The following PDE7B variants were observed in gnomAD, a reference collection of about 807,000 sequenced individuals.
PDE7B encodes 3',5'-cyclic-AMP phosphodiesterase 7B.
In PDE7B, 29 loss-of-function variants were observed where a neutral mutation model predicts 56.2. That is an observed-to-expected ratio of 0.52 (90% CI 0.38 to 0.70). PDE7B has a LOEUF of 0.70. Ranked by LOEUF, PDE7B falls within the 30% of genes least tolerant of loss-of-function variation. PDE7B has a pLI of 0.00. For synonymous variants in PDE7B, 197 were observed against 196.9 expected, an observed-to-expected ratio of 1.00 and a Z score of 0.00; for missense variants, 490 against 565.0, an observed-to-expected ratio of 0.87 and a Z score of 1.35.
At chr6:135,959,005 A>G (rs1441372248) in intron 2 of PDE7B, among the ~76,000 whole-genome samples, 1 of 152,180 alleles carries the variant, frequency 6.6e-6, no homozygotes, top group Non-Finnish European at 1.5e-5. Flanking sequence ...ATAGGAGCCT[A>G]ATTTGATTTG....
intron 3 of PDE7B, among the ~76,000 whole-genome samples, chr6:136,133,065 C>T (rs1169977745): frequency 6.6e-6 from 1 of 152,080 alleles, no homozygotes; most frequent in Non-Finnish European, 1.5e-5. Flanking sequence ...ACAGAATCCA[C>T]TCCAGTGAAA....
chr6:135,887,172 T>G (rs1192109482), intron 1 of PDE7B, among the ~76,000 whole-genome samples: 2 of 152,166 alleles, frequency 1.3e-5, no homozygotes, highest in Non-Finnish European at 2.9e-5. Context: ...TGTTGAGAAA[T>G]GCCTATTCAT....
chr6:136,119,579 T>C (rs577382994), intron 3 of PDE7B, among the ~76,000 whole-genome samples: 1 of 152,342 alleles, frequency 6.6e-6, no homozygotes, highest in South Asian at 2.1e-4. Flanking sequence ...ACTTTGCTTG[T>C]CATTTTAAAG....
chr6:136,036,756 G>A (rs931054862), intron 2 of PDE7B, among the ~76,000 whole-genome samples: 1 of 152,160 alleles, frequency 6.6e-6, no homozygotes, highest in East Asian at 1.9e-4. Flanking sequence ...CAGCAAAATG[G>A]CATGCCAAGC....
At chr6:135,975,183 T>G (rs1283851473) in intron 2 of PDE7B, among the ~76,000 whole-genome samples, 1 of 151,468 alleles carries the variant, frequency 6.6e-6, no homozygotes, top group African/African-American at 2.4e-5. Context: ...ACCTGGAAAT[T>G]CAGATGTCTG....
intron 2 of PDE7B, among the ~76,000 whole-genome samples, chr6:135,994,542 T>C (rs1032918601): frequency 8.5e-5 from 13 of 152,274 alleles, no homozygotes; most frequent in African/African-American, 3.1e-4. Flanking sequence ...TAAAGCCAAC[T>C]GAAATGTCTC....
chr6:136,005,102 T>G (rs371692298), intron 2 of PDE7B, among the ~76,000 whole-genome samples: 39 of 152,044 alleles, frequency 2.6e-4, no homozygotes, highest in South Asian at 1.5e-3. Flanking sequence ...AAGCAATGGG[T>G]AAAGGATTCC....
intron 3 of PDE7B, among the ~76,000 whole-genome samples, chr6:136,146,606 C>T (rs934441250): frequency 6.6e-5 from 10 of 152,248 alleles, no homozygotes; most frequent in African/African-American, 2.4e-4. Context: ...CATGTGTAAA[C>T]TGGTGTATTT....
chr6:135,863,695 T>A (rs1275500461), intron 1 of PDE7B, among the ~76,000 whole-genome samples: 3 of 140,830 alleles, frequency 2.1e-5, no homozygotes, highest in Non-Finnish European at 4.5e-5. Flanking sequence ...CCTTCCAATT[T>A]TTTTTTTTTT....
At chr6:136,175,439 A>G (rs1224295328) in intron 9 of PDE7B, among the ~76,000 whole-genome samples, 2 of 152,132 alleles carry the variant, frequency 1.3e-5, no homozygotes, top group South Asian at 2.1e-4. Flanking sequence ...GGAGACTTTT[A>G]GCACTTTCAT....
chr6:135,986,291 G>C (rs79786828), intron 2 of PDE7B, among the ~76,000 whole-genome samples: 5,825 of 152,244 alleles, frequency 0.038, 344 homozygotes, highest in African/African-American at 0.13. Flanking sequence ...TCTCCTCTGA[G>C]TGGATTATGT....
chr6:135,899,638 T>C (rs1775964813), intron 1 of PDE7B, among the ~76,000 whole-genome samples: 1 of 151,922 alleles, frequency 6.6e-6, no homozygotes, highest in Non-Finnish European at 1.5e-5. Context: ...TTATATTTAT[T>C]TGTATGTGTA....
At chr6:136,149,292 G>C in intron 5 of PDE7B, 142 bp downstream of exon 5, 1 of 640,388 alleles carries the variant, frequency 1.6e-6, no homozygotes, top group East Asian at 2.8e-5. Context: ...ACTGAAGAAG[G>C]ACCGGGGTAA....
intron 1 of PDE7B, among the ~76,000 whole-genome samples, chr6:135,863,466 G>A (rs1300065039): frequency 6.6e-6 from 1 of 151,934 alleles, no homozygotes; most frequent in Admixed American, 6.6e-5. Context: ...CATCATAATG[G>A]TTTGTGACCT....
intron 1 of PDE7B, among the ~76,000 whole-genome samples, chr6:135,906,771 T>C (rs767643171): frequency 2.1e-4 from 31 of 149,160 alleles, no homozygotes; most frequent in Non-Finnish European, 3.7e-4. Flanking sequence ...AGCAGAAACA[T>C]TTACATGTCT....
chr6:135,867,580 T>G (rs1170446077), intron 1 of PDE7B, among the ~76,000 whole-genome samples: 2 of 152,076 alleles, frequency 1.3e-5, no homozygotes, highest in African/African-American at 4.8e-5. Flanking sequence ...CTCTCCTTCC[T>G]CCCACCCTCT....
chr6:135,916,872 T>A (rs1407914955), intron 1 of PDE7B, among the ~76,000 whole-genome samples: 1 of 151,878 alleles, frequency 6.6e-6, no homozygotes, highest in Non-Finnish European at 1.5e-5. Flanking sequence ...AATATATTTT[T>A]AATATAATTT....
At chr6:136,174,924 C>T (rs1385281113) in intron 9 of PDE7B, among the ~76,000 whole-genome samples, 4 of 151,532 alleles carry the variant, frequency 2.6e-5, no homozygotes, top group Non-Finnish European at 5.9e-5. Flanking sequence ...GCAAAAAGAA[C>T]TAAAAACTAG....
At chr6:136,133,506 G>A (rs1246445216) in intron 3 of PDE7B, among the ~76,000 whole-genome samples, 1 of 152,040 alleles carries the variant, frequency 6.6e-6, no homozygotes, top group Non-Finnish European at 1.5e-5. Context: ...TGCTTGTTCT[G>A]GACAATTACT....
Sources: gnomAD v4.1 joint callset for allele counts (sites outside exome capture counted in the v4.1 genomes callset) on GRCh38, gnomAD v4.1.1 for gene constraint, MANE v1.5 for transcripts, NCBI Gene and HGNC (gene_info 2026-07-23, HGNC 2026-07-21) for gene names.